WAC: variants seen among roughly 807,000 people sequenced by gnomAD.
WAC encodes the protein WW domain-containing adapter protein with coiled-coil.
A neutral mutation model predicts 79.6 loss-of-function variants in WAC; 11 were observed. The observed-to-expected ratio is 0.14, with a 90% CI of 0.09 to 0.23. WAC has a LOEUF of 0.23. WAC is among the 10% of genes least tolerant of loss of function. WAC has a pLI of 1.00. For synonymous variants in WAC, 304 were observed against 276.9 expected (o/e 1.10, Z -0.97); for missense variants, 728 against 773.5 (o/e 0.94, Z 0.70).
At chr10:28,580,201 T>C (rs947269293) in intron 3 of WAC, among the ~76,000 whole-genome samples, 6 of 152,204 alleles carry the variant, frequency 3.9e-5, no homozygotes, top group African/African-American at 9.6e-5. Flanking sequence ...TTGATTATTA[T>C]GCTGTGCCTT....
intron 10 of WAC, among the ~76,000 whole-genome samples, chr10:28,613,463 C>T (rs1841341648): frequency 6.6e-6 from 1 of 152,126 alleles, no homozygotes; most frequent in Non-Finnish European, 1.5e-5. Flanking sequence ...AAGATCACGT[C>T]ACTCTGCACT....
chr10:28,594,010 C>A (rs1840229830), intron 6 of WAC, among the ~76,000 whole-genome samples: 1 of 152,062 alleles, frequency 6.6e-6, no homozygotes, highest in Non-Finnish European at 1.5e-5. Flanking sequence ...CACTAGATGC[C>A]AGTAGCATAC....
intron 3 of WAC, among the ~76,000 whole-genome samples, chr10:28,576,651 C>G (rs1243094230): frequency 6.6e-6 from 1 of 152,162 alleles, no homozygotes; most frequent in Non-Finnish European, 1.5e-5. Context: ...GATTTTGGTT[C>G]TAGACTCAGT....
At chr10:28,580,651 C>T (rs1254290633) in intron 3 of WAC, among the ~76,000 whole-genome samples, 1 of 152,108 alleles carries the variant, frequency 6.6e-6, no homozygotes, top group African/African-American at 2.4e-5. Context: ...GGAAATCCCA[C>T]TCTGCGAGTA....
rs183813219 is a variant in WAC, at chr10:28,552,941, C to T, written c.274+17184C>T. The stretch of plus-strand genomic sequence containing the variant: ...CTTTTCAGAATAAATGATTTGAGAC[C>T]TGTACAGGAGAGCCTTTCGATTTTT... On this transcript the variant is annotated intron_variant, in intron 3 of 13. Transcript: ENST00000354911. Among the ~76,000 whole-genome samples, 276 of 147,442 alleles carry T rather than the reference C, an allele frequency of 1.9e-3. 1 individual carries two copies. Among genetic ancestry groups the T allele is most frequent in the Non-Finnish European group, 3.1e-3 (209 of 67,438 alleles).
intron 3 of WAC, among the ~76,000 whole-genome samples, chr10:28,543,564 C>T (rs1837179313): frequency 1.3e-5 from 2 of 152,208 alleles, no homozygotes; most frequent in Admixed American, 1.3e-4. Context: ...GTTGGCCTGT[C>T]TGGCTTTTAC....
At chr10:28,601,365 C>T (rs1189452810) in intron 7 of WAC, among the ~76,000 whole-genome samples, 1 of 152,006 alleles carries the variant, frequency 6.6e-6, no homozygotes, top group Non-Finnish European at 1.5e-5. Flanking sequence ...TAATGAAATA[C>T]CACTTAATAC....
In WAC at chr10:28,617,702, A is replaced by G. The variant is rs1253455569; in HGVS notation, c.1792A>G (p.Met598Val). 6 of 1,598,642 alleles carry G rather than the reference A, an allele frequency of 3.8e-6. No homozygotes were observed. The highest frequency in any genetic ancestry group is 2.3e-5 in the South Asian group (2 of 85,264). The change falls in exon 13 of 14, where the codon ATG (methionine) becomes GTG (valine). Residue 598 changes from methionine to valine, a missense_variant. By Grantham distance (21) the Met-to-Val change is conservative (BLOSUM62 1). Coordinates refer to ENST00000354911, the MANE Select transcript of WAC (RefSeq NM_016628.5). ...EEAHNMGTIH[M>V]SEICTELKNL... ...AGCGCATAACATGGGAACTATTCAC[A>G]TGTCCGAAATTTGTACTGAATTAAA...
Position 28,558,286 on chromosome 10 carries a change from G to A in WAC, c.274+22529G>A, listed in dbSNP as rs1201485225. The stretch of plus-strand genomic sequence containing the variant: ...ATTTAAAGATTTTATTGAGGAGAGT[G>A]ATTTACAATCAGACCTTAAGCAGTT... On this transcript the variant is annotated intron_variant, in intron 3 of 13. Coordinates refer to ENST00000354911, the MANE Select transcript of WAC (RefSeq NM_016628.5). Among the ~76,000 whole-genome samples, 6 of 152,126 alleles carry A rather than the reference G, an allele frequency of 3.9e-5. No homozygotes were observed. In the East Asian group the frequency reaches 9.6e-4, roughly 24 times the overall value.
At chr10:28,603,981 A>G (rs1272266816) in intron 7 of WAC, among the ~76,000 whole-genome samples, 3 of 51,786 alleles carry the variant, frequency 5.8e-5, no homozygotes, top group African/African-American at 2.3e-4. Context: ...ATATATATAT[A>G]TATATATGTA....
At chr10:28,600,557 G>T (rs542867501) in intron 7 of WAC, among the ~76,000 whole-genome samples, 2 of 152,204 alleles carry the variant, frequency 1.3e-5, no homozygotes, top group Non-Finnish European at 2.9e-5. Context: ...GAATAACTTA[G>T]TGTAGGAATT....
At chr10:28,550,716 A>G (rs528733733) in intron 3 of WAC, among the ~76,000 whole-genome samples, 6 of 152,342 alleles carry the variant, frequency 3.9e-5, no homozygotes, top group Admixed American at 1.3e-4. Flanking sequence ...CAGAGTTCCT[A>G]TAGTGTTTGA....
At chr10:28,537,348 G>C (rs968383768) in intron 3 of WAC, among the ~76,000 whole-genome samples, 1 of 152,120 alleles carries the variant, frequency 6.6e-6, no homozygotes, top group East Asian at 1.9e-4. Flanking sequence ...TTCTATAGTG[G>C]ATTTCATTTC....
At chr10:28,569,522 C>T (rs191136670) in intron 3 of WAC, among the ~76,000 whole-genome samples, 83 of 152,282 alleles carry the variant, frequency 5.5e-4, no homozygotes, top group African/African-American at 1.9e-3. Flanking sequence ...TTCTCTTATT[C>T]TATTGTTTGT....
At chr10:28,617,153 A>G (rs761365337) in intron 12 of WAC, among the ~76,000 whole-genome samples, 12 of 152,184 alleles carry the variant, frequency 7.9e-5, no homozygotes, top group Non-Finnish European at 1.6e-4. Flanking sequence ...GAAGTTAGGA[A>G]ACATTTTTGC....
intron 3 of WAC, among the ~76,000 whole-genome samples, chr10:28,574,404 GC>G (rs1839138562): frequency 6.6e-6 from 1 of 150,440 alleles, no homozygotes; most frequent in Non-Finnish European, 1.5e-5. Context: ...TGCCTTGGCT[GC>G]CCAAAGTGCT....
At chr10:28,545,975 TTAG>T in intron 3 of WAC, among the ~76,000 whole-genome samples, 1 of 152,256 alleles carries the variant, frequency 6.6e-6, no homozygotes. Flanking sequence ...TTTCTCCAAG[TTAG>T]TAGAGTATAC....
intron 3 of WAC, among the ~76,000 whole-genome samples, chr10:28,581,777 T>C (rs1227028927): frequency 6.6e-6 from 1 of 152,150 alleles, no homozygotes; most frequent in Non-Finnish European, 1.5e-5. Context: ...GTCAGGCTGG[T>C]CTCGAACTCC....
intron 3 of WAC, among the ~76,000 whole-genome samples, chr10:28,569,649 C>CCTCAGTGAACTTCTATAATCTAGTTT (rs1564392213): frequency 1.3e-5 from 2 of 151,882 alleles, no homozygotes; most frequent in African/African-American, 4.8e-5. Context: ...TAATCTAGTT[C>CCTCAGTGAACTTCTATAATCTAGTTT]GGCTAGAGCT....
Sources: gnomAD v4.1 joint callset for allele counts (sites outside exome capture counted in the v4.1 genomes callset) on GRCh38, gnomAD v4.1.1 for gene constraint, MANE v1.5 for transcripts, NCBI Gene and HGNC (gene_info 2026-07-23, HGNC 2026-07-21) for gene names.